Variants in KCNH8 observed in about 807,000 individuals in gnomAD.
KCNH8 encodes voltage-gated delayed rectifier potassium channel KCNH8.
Under a neutral mutation model 103.6 loss-of-function variants are expected in KCNH8, and 70 were observed. The observed-to-expected ratio is 0.68, with a 90% confidence interval of 0.56 to 0.82. The LOEUF (loss-of-function observed/expected upper bound fraction) is 0.82. Among genes scored for constraint, KCNH8 ranks in the 40% least tolerant of loss-of-function variants. The pLI is 0.00. For missense variants in KCNH8, 1,217 were observed against 1,329.9 expected, an observed-to-expected ratio of 0.92 and a Z score of 1.32; for synonymous variants, 498 against 489.4, an observed-to-expected ratio of 1.02 and a Z score of -0.23.
At chr3:19,219,770 G>A (rs2063854138) in intron 1 of KCNH8, among the ~76,000 whole-genome samples, 1 of 152,154 alleles carries the variant, frequency 6.6e-6, no homozygotes, top group South Asian at 2.1e-4. Context: ...AGAGATGAGA[G>A]AGGCCTCATC....
chr3:19,520,907 G>C (rs1575170424), intron 15 of KCNH8, among the ~76,000 whole-genome samples: 1 of 152,066 alleles, frequency 6.6e-6, no homozygotes, highest in South Asian at 2.1e-4. Context: ...GCTAAATACA[G>C]AACTAAAATC....
At chr3:19,440,267 A>C (rs1249042316) in intron 8 of KCNH8, among the ~76,000 whole-genome samples, 1 of 152,324 alleles carries the variant, frequency 6.6e-6, no homozygotes, top group Middle Eastern at 3.4e-3. Flanking sequence ...AACTAGCTAG[A>C]TAGAGGCACA....
rs904077268 is a variant in KCNH8 at position 19,356,352 on chromosome 3, T to C, written c.811+8387T>C. ...TCTTCCCCAGACCACTTAGTAATGC[T>C]CTTTTGGGGAGATAGACTCAAAAAC... On this transcript the variant is annotated intron_variant, in intron 5 of 15. Transcript: ENST00000328405. Among the ~76,000 whole-genome samples the C allele has an allele frequency of 2.6e-5, 4 of 152,054 alleles. No homozygotes were observed. The Middle Eastern group carries it at 0.01, about 388-fold the overall frequency.
rs1175135608 is a variant in KCNH8 at position 19,170,615 on chromosome 3, C to T, written c.76+21820C>T. Among the ~76,000 whole-genome samples the T allele has an allele frequency of 3.6e-5, 5 of 138,316 alleles. No homozygotes were observed. The South Asian group carries it at 8.7e-4, about 24-fold the overall frequency. 90.7% of individuals were successfully genotyped at this position (138,316 alleles called of 152,430 possible). A position where few individuals can be genotyped will look rare whatever the true frequency, so the allele number is the denominator to read the frequency against. On this transcript the variant is annotated intron_variant, in intron 1 of 15. Coordinates refer to ENST00000328405, the MANE Select transcript of KCNH8 (RefSeq NM_144633.3). ...ATATATATATATATATATATGTATACACACACATATATATATACACACATA... is the reference window on the plus strand; with the variant it reads ...ATATATATATATATATATATGTATATACACACATATATATATACACACATA...
In KCNH8 at chr3:19,422,188, A is replaced by G. The variant is rs147335298; in HGVS notation, c.1178-15976A>G. On this transcript the variant is annotated intron_variant, in intron 7 of 15. Transcript: ENST00000328405. ...TGCTATATGATACTGATGTCTTGCAAATAGTCATTATATCTTAGTTTCTAT... is the reference window on the plus strand; with the variant it reads ...TGCTATATGATACTGATGTCTTGCAGATAGTCATTATATCTTAGTTTCTAT... Among the ~76,000 whole-genome samples, 293 of 152,202 alleles carry G rather than the reference A, an allele frequency of 1.9e-3. 3 individuals carry two copies. Among genetic ancestry groups the G allele is most frequent in the African/African-American group, 6.5e-3 (269 of 41,574 alleles).
At chr3:19,519,627 G>A (rs2068937054) in intron 15 of KCNH8, among the ~76,000 whole-genome samples, 1 of 150,178 alleles carries the variant, frequency 6.7e-6, no homozygotes, top group Non-Finnish European at 1.5e-5. Context: ...GCCATGCACT[G>A]GATCACCCAA....
chr3:19,467,129 T>A (rs2067755274), intron 11 of KCNH8, among the ~76,000 whole-genome samples: 1 of 152,154 alleles, frequency 6.6e-6, no homozygotes, highest in South Asian at 2.1e-4. Context: ...TTGTAGTGGT[T>A]TGGAAGTGGT....
intron 2 of KCNH8, among the ~76,000 whole-genome samples, chr3:19,272,678 A>T (rs1444263988): frequency 6.6e-6 from 1 of 152,166 alleles, no homozygotes; most frequent in African/African-American, 2.4e-5. Flanking sequence ...TAGTTCATTA[A>T]TATTCAAAAG....
At chr3:19,450,558 T>A in intron 9 of KCNH8, 1 of 474,654 alleles carries the variant, frequency 2.1e-6, no homozygotes, top group Non-Finnish European at 3.8e-6. Flanking sequence ...ATTTTCCTTC[T>A]TATTGTCTCT....
At chr3:19,308,565 C>G (rs1000704972) in intron 3 of KCNH8, among the ~76,000 whole-genome samples, 17 of 151,742 alleles carry the variant, frequency 1.1e-4, no homozygotes, top group African/African-American at 4.1e-4. Flanking sequence ...TCCACCCCAG[C>G]AGAAGTGTTC....
intron 7 of KCNH8, among the ~76,000 whole-genome samples, chr3:19,409,231 A>C (rs529907938): frequency 6.6e-6 from 1 of 152,210 alleles, no homozygotes; most frequent in African/African-American, 2.4e-5. Flanking sequence ...GTTAAAGAAA[A>C]GAAATTCCAA....
At chr3:19,246,643 A>G (rs993206689) in intron 1 of KCNH8, among the ~76,000 whole-genome samples, 5 of 152,122 alleles carry the variant, frequency 3.3e-5, no homozygotes, top group African/African-American at 7.2e-5. Flanking sequence ...TGGGTATACA[A>G]TGAAAATAAG....
At chr3:19,289,001 C>T (rs143714456) in intron 3 of KCNH8, among the ~76,000 whole-genome samples, 17,268 of 151,972 alleles carry the variant, frequency 0.11, 3,059 homozygotes, top group African/African-American at 0.38. Context: ...CATTTTTTCA[C>T]GTGTCTTTTG....
At chr3:19,420,955 C>CTGTG (rs140617604) in intron 7 of KCNH8, among the ~76,000 whole-genome samples, 1 of 151,086 alleles carries the variant, frequency 6.6e-6, no homozygotes, top group Non-Finnish European at 1.5e-5. Flanking sequence ...ACTATGTTGA[C>CTGTG]TGTGTGTGTG....
chr3:19,495,730 A>G (rs532899552), intron 11 of KCNH8, among the ~76,000 whole-genome samples: 1 of 151,458 alleles, frequency 6.6e-6, no homozygotes, highest in African/African-American at 2.4e-5. Context: ...TTTTTTTTAA[A>G]TTGCATGAAG....
Position 19,533,379 on chromosome 3 carries a change from T to C in KCNH8, c.2620-16T>C. 1 of 1,553,814 alleles carries C rather than the reference T, an allele frequency of 6.4e-7. No individual in the cohort carries two copies. The highest frequency in any genetic ancestry group is 1.7e-5 in the Admixed American group (1 of 59,944). ...CACCTCTAACTATTGTCTTTCACTT[T>C]GCTCTATCCACATAGGTAACAACAT... On this transcript the variant is annotated splice_polypyrimidine_tract_variant and intron_variant, in intron 15 of 15. Coordinates refer to ENST00000328405, the MANE Select transcript of KCNH8 (RefSeq NM_144633.3).
At chr3:19,433,992 T>C (rs368330799) in intron 7 of KCNH8, among the ~76,000 whole-genome samples, 3 of 152,216 alleles carry the variant, frequency 2.0e-5, no homozygotes, top group South Asian at 4.1e-4. Flanking sequence ...AATAGTAATG[T>C]ACCAATGTTA....
At chr3:19,376,298 G>A (rs4420896) in intron 5 of KCNH8, among the ~76,000 whole-genome samples, 18,625 of 152,206 alleles carry the variant, frequency 0.12, 1,212 homozygotes, top group Middle Eastern at 0.17. Flanking sequence ...ATATAATCTC[G>A]TGGTGCGCCA....
At chr3:19,212,746 T>C (rs1366763005) in intron 1 of KCNH8, among the ~76,000 whole-genome samples, 1 of 152,188 alleles carries the variant, frequency 6.6e-6, no homozygotes, top group Non-Finnish European at 1.5e-5. Flanking sequence ...GGATTTGCCT[T>C]TGTCAGACTC....
Sources: gnomAD v4.1 joint callset for allele counts (sites outside exome capture counted in the v4.1 genomes callset) on GRCh38, gnomAD v4.1.1 for gene constraint, MANE v1.5 for transcripts, NCBI Gene and HGNC (gene_info 2026-07-23, HGNC 2026-07-21) for gene names.